The following ENOX1 variants were observed in gnomAD, a reference collection of about 807,000 sequenced individuals.
ENOX1 encodes candidate growth-related and time keeping constitutive hydroquinone (NADH) oxidase.
In ENOX1, 42 loss-of-function variants were observed where a neutral mutation model predicts 82.5. The ratio of observed to expected loss-of-function variants is 0.51; its 90% CI spans 0.40 to 0.66. ENOX1 has a LOEUF of 0.66. Among genes scored for constraint, ENOX1 ranks in the 30% least tolerant of loss-of-function variants. The pLI is 0.00. For missense variants in ENOX1, 608 were observed against 811.6 expected, an observed-to-expected ratio of 0.75 and a Z score of 3.05; for synonymous variants, 271 against 282.2, an observed-to-expected ratio of 0.96 and a Z score of 0.40.
intron 1 of ENOX1, among the ~76,000 whole-genome samples, chr13:43,707,409 T>A (rs146504586): frequency 2.8e-4 from 42 of 152,070 alleles, no homozygotes; most frequent in African/African-American, 1.0e-3. Flanking sequence ...CTAAAACTTG[T>A]ATGGAAATGT....
chr13:43,433,675 C>A (rs1420036140), intron 3 of ENOX1, among the ~76,000 whole-genome samples: 8 of 152,168 alleles, frequency 5.3e-5, no homozygotes, highest in Admixed American at 2.6e-4. Context: ...ACGTGATGCA[C>A]TCTGAGTTTT....
intron 3 of ENOX1, among the ~76,000 whole-genome samples, chr13:43,446,105 G>T (rs1465767486): frequency 6.6e-6 from 1 of 151,766 alleles, no homozygotes; most frequent in African/African-American, 2.4e-5. Flanking sequence ...TAAATACTGA[G>T]ACAATGCAGG....
intron 2 of ENOX1, among the ~76,000 whole-genome samples, chr13:43,590,529 C>T (rs2081195923): frequency 6.6e-6 from 1 of 152,064 alleles, no homozygotes; most frequent in Admixed American, 6.6e-5. Flanking sequence ...AACCTCAGCA[C>T]TTTGGGAGGC....
At chr13:43,426,685 T>C (rs997771784) in intron 3 of ENOX1, among the ~76,000 whole-genome samples, 1 of 152,188 alleles carries the variant, frequency 6.6e-6, no homozygotes, top group Admixed American at 6.6e-5. Context: ...AGAACTGCAG[T>C]GGCTGTCAAC....
intron 2 of ENOX1, among the ~76,000 whole-genome samples, chr13:43,528,389 A>G (rs9590770): frequency 0.22 from 33,353 of 151,896 alleles, 3,985 homozygotes; most frequent in Middle Eastern, 0.3. Flanking sequence ...AAAGGAATGC[A>G]CTTTTTAAAT....
At chr13:43,589,395 AG>A (rs1374539629) in intron 2 of ENOX1, among the ~76,000 whole-genome samples, 1 of 152,112 alleles carries the variant, frequency 6.6e-6, no homozygotes, top group African/African-American at 2.4e-5. Context: ...GCCTACTCTC[AG>A]GATAAATATA....
intron 3 of ENOX1, among the ~76,000 whole-genome samples, chr13:43,483,728 C>A (rs1055277144): frequency 1.3e-5 from 2 of 152,094 alleles, no homozygotes; most frequent in African/African-American, 4.8e-5. Flanking sequence ...TGAATCTATT[C>A]AGTTAGAATT....
chr13:43,773,055 ATTC>A (rs1951734193), intron 1 of ENOX1, among the ~76,000 whole-genome samples: 2 of 152,304 alleles, frequency 1.3e-5, no homozygotes, highest in Admixed American at 1.3e-4. Flanking sequence ...TATGGTCACT[ATTC>A]TTGTCCCTTG....
intron 2 of ENOX1, among the ~76,000 whole-genome samples, chr13:43,543,045 T>C (rs1186017372): frequency 6.6e-6 from 1 of 152,146 alleles, no homozygotes; most frequent in African/African-American, 2.4e-5. Context: ...GATATCAACT[T>C]ATGAATTTGC....
chr13:43,406,995 C>T (rs780519810), intron 5 of ENOX1, among the ~76,000 whole-genome samples: 8 of 152,142 alleles, frequency 5.3e-5, no homozygotes, highest in Non-Finnish European at 1.0e-4. Flanking sequence ...ACTATTAGTT[C>T]CCATGCAGGC....
intron 5 of ENOX1, among the ~76,000 whole-genome samples, chr13:43,390,911 A>G (rs1364044306): frequency 6.6e-6 from 1 of 152,176 alleles, no homozygotes; most frequent in Non-Finnish European, 1.5e-5. Context: ...AAACAAAATG[A>G]AAAAAGCACA....
rs1039721018 is a variant in ENOX1 at position 43,265,568 on chromosome 13, C to T, written c.1555-114G>A. 7 of 841,062 alleles carry T rather than the reference C, an allele frequency of 8.3e-6. No individual in the cohort carries two copies. The African/African-American group carries it at 8.5e-5, about 10-fold the overall frequency. The allele number at this position is 841,062 out of a possible 1,614,324, so 52.1% of individuals were successfully genotyped here. On this transcript the variant is annotated intron_variant, in intron 13 of 16. Transcript: ENST00000690772. ...CTGAGGTTGCATTTTATAAAACTTC[C>T]AATGAGATAAAACAGATGGAGCACA...
intron 1 of ENOX1, among the ~76,000 whole-genome samples, chr13:43,767,937 G>A (rs541654272): frequency 6.6e-6 from 1 of 152,326 alleles, no homozygotes; most frequent in East Asian, 1.9e-4. Context: ...TGAGGAGGAG[G>A]GAGAGAGACT....
intron 11 of ENOX1, among the ~76,000 whole-genome samples, chr13:43,310,627 G>A (rs2047148344): frequency 1.3e-5 from 2 of 152,162 alleles, no homozygotes; most frequent in Admixed American, 1.3e-4. Flanking sequence ...TAAGTGTTAC[G>A]TAGAAGGGTC....
At chr13:43,413,096 C>G in intron 3 of ENOX1, 108 bp from the exon 4 acceptor site, 6 of 1,133,448 alleles carry the variant, frequency 5.3e-6, no homozygotes, top group Non-Finnish European at 7.0e-6. Flanking sequence ...GACCGATTTC[C>G]AGTCTCAGGC....
chr13:43,337,073 C>A (rs1183548028), intron 9 of ENOX1, among the ~76,000 whole-genome samples: 2 of 152,166 alleles, frequency 1.3e-5, no homozygotes, highest in Non-Finnish European at 2.9e-5. Flanking sequence ...AAAGTATATG[C>A]CGTATGCTCC....
intron 3 of ENOX1, among the ~76,000 whole-genome samples, chr13:43,451,889 A>G (rs914707142): frequency 6.6e-6 from 1 of 152,232 alleles, no homozygotes; most frequent in African/African-American, 2.4e-5. Flanking sequence ...ATAGATCACA[A>G]ATAAACAAAT....
At chr13:43,719,302 TACACACAC>T (rs3024232) in intron 1 of ENOX1, among the ~76,000 whole-genome samples, 5,304 of 126,736 alleles carry the variant, frequency 0.042, 317 homozygotes, top group African/African-American at 0.14. Context: ...TTCATTCAAA[TACACACAC>T]ACACACACAC....
chr13:43,629,703 G>A (rs1432753134), intron 2 of ENOX1, among the ~76,000 whole-genome samples: 1 of 152,162 alleles, frequency 6.6e-6, no homozygotes, highest in East Asian at 1.9e-4. Context: ...AGTTAACACT[G>A]GTTTACACCA....
Sources: gnomAD v4.1 joint callset for allele counts (sites outside exome capture counted in the v4.1 genomes callset) on GRCh38, gnomAD v4.1.1 for gene constraint, MANE v1.5 for transcripts, NCBI Gene and HGNC (gene_info 2026-07-23, HGNC 2026-07-21) for gene names.